Variants in ANKMY2 observed in about 807,000 individuals in gnomAD.
ANKMY2 encodes the protein ankyrin repeat and MYND domain containing 2.
Under a neutral mutation model 50.4 loss-of-function variants are expected in ANKMY2, and 36 were observed. The ratio of observed to expected loss-of-function variants is 0.71; its 90% CI spans 0.55 to 0.94. The LOEUF is 0.94. Among genes scored for constraint, ANKMY2 ranks in the 40% least tolerant of loss-of-function variants. The probability of loss-of-function intolerance (pLI) is 0.00; values close to 1 mark genes in which losing one functional copy is unlikely to be tolerated. For missense variants in ANKMY2, 565 were observed against 524.0 expected (o/e 1.08, Z -0.76); for synonymous variants, 187 against 178.8 (o/e 1.05, Z -0.36).
At chr7:16,641,694 C>G (rs6976932) in intron 1 of ANKMY2, among the ~76,000 whole-genome samples, 123,318 of 152,140 alleles carry the variant, frequency 0.81, 50,226 homozygotes, top group African/African-American at 0.87. Context: ...TATCCTTCCA[C>G]TGGAAATAAA....
At chr7:16,605,674 C>CT (rs11307797) in intron 7 of ANKMY2, among the ~76,000 whole-genome samples, 1,363 of 59,624 alleles carry the variant, frequency 0.023, 94 homozygotes, top group East Asian at 0.2. Flanking sequence ...ATTTTTTGTA[C>CT]TTTTTTTTTT....
chr7:16,612,056 T>A (rs1562769194), intron 5 of ANKMY2, among the ~76,000 whole-genome samples: 1 of 152,204 alleles, frequency 6.6e-6, no homozygotes, highest in Non-Finnish European at 1.5e-5. Context: ...AGAACTTGGA[T>A]CTAGCTGAAC....
chr7:16,617,988 C>T (rs879420625), intron 4 of ANKMY2, among the ~76,000 whole-genome samples: 29 of 147,630 alleles, frequency 2.0e-4, no homozygotes, highest in African/African-American at 6.1e-4. Context: ...AGTGCAGTCA[C>T]GTGATCTTGG....
chr7:16,622,785 T>TA (rs200991339), intron 4 of ANKMY2, among the ~76,000 whole-genome samples: 26 of 94,598 alleles, frequency 2.7e-4, no homozygotes, highest in African/African-American at 7.6e-4. Context: ...AATAAATAAA[T>TA]AAAAATAAAA....
At chr7:16,604,212 G>A (rs759590371) in intron 8 of ANKMY2, among the ~76,000 whole-genome samples, 6 of 152,222 alleles carry the variant, frequency 3.9e-5, no homozygotes, top group Non-Finnish European at 7.3e-5. Flanking sequence ...AACACAATCA[G>A]ATATGCCTTT....
chr7:16,632,316 A>G (rs143380467), intron 2 of ANKMY2, among the ~76,000 whole-genome samples: 96 of 152,286 alleles, frequency 6.3e-4, no homozygotes, highest in Non-Finnish European at 1.1e-3. Flanking sequence ...ATACTCACAG[A>G]GTTGTGCAGC....
In ANKMY2 at chr7:16,645,532, C is replaced by T. The variant is rs777278742; in HGVS notation, c.42G>A (p.Lys14=). 6.2e-6 allele frequency: 10 copies of T among 1,612,016 alleles called. No individual in the cohort carries two copies. The highest frequency in any genetic ancestry group is 1.3e-5 in the African/African-American group (1 of 74,794). Residue 14 remains lysine (K), a synonymous_variant, in exon 1 of 10, where the codon AAG becomes AAA. Coordinates refer to ENST00000306999, the MANE Select transcript of ANKMY2 (RefSeq NM_020319.3). ...IKKGELTQEE[K]ELLEVIGKGT... ...CTTTCCCGATGACTTCCAGTAGCTC[C>T]TTCTCCTCCTGGGTCAGCTCGCCTT... is the stretch of plus-strand genomic sequence containing the variant.
intron 1 of ANKMY2, among the ~76,000 whole-genome samples, chr7:16,637,488 T>C (rs750999684): frequency 6.6e-6 from 1 of 152,224 alleles, no homozygotes; most frequent in Non-Finnish European, 1.5e-5. Context: ...GAAGTAGCTC[T>C]GTTGGGAAAA....
At chr7:16,616,350 A>G (rs1381450981) in intron 4 of ANKMY2, among the ~76,000 whole-genome samples, 3 of 152,154 alleles carry the variant, frequency 2.0e-5, no homozygotes, top group Non-Finnish European at 4.4e-5. Context: ...ATATTAAACT[A>G]AACCCCCTCC....
rs765789987 is a variant in ANKMY2 at position 16,602,542 on chromosome 7, A to G, written c.1012-33T>C. On this transcript the variant is annotated intron_variant, in intron 8 of 9. Coordinates refer to ENST00000306999, the MANE Select transcript of ANKMY2 (RefSeq NM_020319.3). ...CAATTGTTGGTTTATTTTCATTTCC[A>G]GAGCTTGGGTTGTATGATTTCCTAA... The G allele has an allele frequency of 2.5e-6, 4 of 1,602,706 alleles. No homozygotes were observed. In the South Asian group the frequency reaches 4.5e-5, roughly 18 times the overall value.
rs1781028194 is a variant in ANKMY2, at chr7:16,600,487, C to T, written c.*274G>A. The T allele has an allele frequency of 7.6e-6, 2 of 264,174 alleles. No homozygotes were observed. The highest frequency in any genetic ancestry group is 1.4e-5 in the Non-Finnish European group (2 of 141,544). 16.4% of individuals were successfully genotyped at this position (264,174 alleles called of 1,614,324 possible). ...GATCTATTTTCCTTTGAAACAATTGCTGGAAAGCCAGCCTCAGAAAGGTAA... is the reference window on the plus strand; with the variant it reads ...GATCTATTTTCCTTTGAAACAATTGTTGGAAAGCCAGCCTCAGAAAGGTAA... On this transcript the variant is annotated 3_prime_UTR_variant, in exon 10 of 10. Transcript: ENST00000306999.
chr7:16,618,426 C>G (rs1049877255), intron 4 of ANKMY2, among the ~76,000 whole-genome samples: 5 of 151,594 alleles, frequency 3.3e-5, no homozygotes, highest in African/African-American at 1.2e-4. Flanking sequence ...ACAGACATCT[C>G]AAAGGAAAAA....
chr7:16,634,922 A>G (rs924428966), intron 2 of ANKMY2, among the ~76,000 whole-genome samples: 1 of 152,230 alleles, frequency 6.6e-6, no homozygotes, highest in Non-Finnish European at 1.5e-5. Flanking sequence ...TACAGCACCC[A>G]GTAAGGTAAA....
At chr7:16,605,589 C>T (rs1781143667) in intron 7 of ANKMY2, among the ~76,000 whole-genome samples, 1 of 151,790 alleles carries the variant, frequency 6.6e-6, no homozygotes, top group Admixed American at 6.6e-5. Context: ...CCTCCGCCTC[C>T]CAGGTTCAAG....
At position 16,643,171 on chromosome 7, in the gene ANKMY2, A is replaced by T. The variant is rs182524351; in HGVS notation, c.67+2336T>A. 4.1e-3 allele frequency among the ~76,000 whole-genome samples: 624 copies of T among 152,356 alleles called. 3 individuals are homozygous for T. Among genetic ancestry groups the T allele is most frequent in the African/African-American group, 0.014 (588 of 41,582 alleles). ...TTTTCACACAGAGGACTTGAGGCTC[A>T]GGAAAAGTCACTTGCCCAAAGGCCA... On this transcript the variant is annotated intron_variant, in intron 1 of 9. Transcript: ENST00000306999.
chr7:16,627,102 G>A lies in ANKMY2; in HGVS notation c.209C>T (p.Ala70Val), dbSNP rs1274062935. 1.3e-5 allele frequency: 21 copies of A among 1,612,426 alleles called. No individual in the cohort carries two copies. The highest frequency in any genetic ancestry group is 1.8e-5 in the Non-Finnish European group (21 of 1,179,176). Residue 70 changes from alanine (A) to valine (V), a missense_variant, in exon 3 of 10, where the codon GCC becomes GTC. Ala to Val is a moderately conservative substitution (Grantham distance 64). Coordinates refer to ENST00000306999, the MANE Select transcript of ANKMY2 (RefSeq NM_020319.3). ...TTCATGCTGATGACAATTTACATCGGCTCCATGTCGCAGTAGTAATTTGCA... is the reference window on the plus strand; with the variant it reads ...TTCATGCTGATGACAATTTACATCGACTCCATGTCGCAGTAGTAATTTGCA... ...DMCKLLLRHG[A>V]DVNCHQHEHG...
At position 16,627,135 on chromosome 7, in the gene ANKMY2, A is replaced by C. The variant is rs990617724; in HGVS notation, c.176T>G (p.Leu59Arg). The stretch of plus-strand genomic sequence containing the variant: ...TCGCAGTAGTAATTTGCACATATCG[A>C]GTTTTCCTTTATATGCTGCATGCAT... ...PLMHAAYKGK[L>R]DMCKLLLRHG... is the part of the protein sequence containing the mutation. The change falls in exon 3 of 10, where the codon CTC (leucine) becomes CGC (arginine). Residue 59 changes from leucine to arginine, a missense_variant. Physicochemically the swap from Leu to Arg is moderately radical, Grantham distance 102 (BLOSUM62 -2). Transcript: ENST00000306999. 6.2e-6 allele frequency: 10 copies of C among 1,608,784 alleles called. No homozygotes were observed. The African/African-American group carries it at 1.3e-4, about 21-fold the overall frequency.
chr7:16,614,586 G>A (rs1007247778), intron 5 of ANKMY2, among the ~76,000 whole-genome samples: 9 of 152,152 alleles, frequency 5.9e-5, no homozygotes, highest in African/African-American at 1.9e-4. Context: ...CATCAACAAA[G>A]TAATAAGATT....
rs115213989 is a variant in ANKMY2 at position 16,603,730 on chromosome 7, T to C, written c.1011+991A>G. The C allele has an allele frequency of 1.2e-3, 558 of 470,816 alleles. 2 individuals are homozygous for C. Among genetic ancestry groups the C allele is most frequent in the African/African-American group, 0.011 (535 of 50,196 alleles). 29.2% of individuals were successfully genotyped at this position (470,816 alleles called of 1,614,324 possible). A position where few individuals can be genotyped will look rare whatever the true frequency, so the allele number is the denominator to read the frequency against. On this transcript the variant is annotated intron_variant, in intron 8 of 9. Transcript: ENST00000306999. ...TTTCAACCAACAGCATGAAACAACA[T>C]GGCAATTTCAAGGCTAGTCCTTGAG...
Sources: gnomAD v4.1 joint callset for allele counts (sites outside exome capture counted in the v4.1 genomes callset) on GRCh38, gnomAD v4.1.1 for gene constraint, MANE v1.5 for transcripts, NCBI Gene and HGNC (gene_info 2026-07-23, HGNC 2026-07-21) for gene names.